The following DIP2C variants were observed in gnomAD, a reference collection of about 807,000 sequenced individuals.
DIP2C encodes the protein DIP2 acetate--CoA ligase C (putative).
Under a neutral mutation model 192.4 loss-of-function variants are expected in DIP2C, and 33 were observed. The observed-to-expected ratio is 0.17, with a 90% CI of 0.13 to 0.23. The LOEUF is 0.23. Among genes scored for constraint, DIP2C ranks in the 10% least tolerant of loss-of-function variants. The pLI is 1.00. For synonymous variants in DIP2C, 979 were observed against 864.1 expected (o/e 1.13, Z -2.33); for missense variants, 1,537 against 2,110.1 (o/e 0.73, Z 5.32).
At chr10:384,205 AAAAG>A in intron 15 of DIP2C, 59 bp from the exon 16 acceptor site, 3 of 1,589,816 alleles carry the variant, frequency 1.9e-6, no homozygotes, top group Non-Finnish European at 2.6e-6. Context: ...CCCCTATTGC[AAAAG>A]AGAGATCATT....
chr10:351,370 C>T (rs1958800705), intron 24 of DIP2C, among the ~76,000 whole-genome samples: 1 of 152,132 alleles, frequency 6.6e-6, no homozygotes, highest in Non-Finnish European at 1.5e-5. Flanking sequence ...ACAAGACAGC[C>T]GATGAGCGCA....
chr10:681,421 CT>C (rs1286010353), intron 1 of DIP2C, among the ~76,000 whole-genome samples: 1 of 151,662 alleles, frequency 6.6e-6, no homozygotes, highest in Non-Finnish European at 1.5e-5. Flanking sequence ...AATGCAGACC[CT>C]CAGTCACATG....
chr10:467,422 C>G (rs973808210), intron 3 of DIP2C, among the ~76,000 whole-genome samples: 2 of 149,792 alleles, frequency 1.3e-5, no homozygotes, highest in African/African-American at 4.9e-5. Context: ...GGGAGATATA[C>G]CTAATGCTAG....
At chr10:477,745 GAAAGA>G (rs1178701087) in intron 2 of DIP2C, among the ~76,000 whole-genome samples, 78 of 107,846 alleles carry the variant, frequency 7.2e-4, no homozygotes, top group African/African-American at 2.1e-3. Context: ...GAAAGAACGA[GAAAGA>G]AAAGGAGAGA....
At chr10:436,261 G>T (rs1375840628) in intron 4 of DIP2C, among the ~76,000 whole-genome samples, 1 of 152,168 alleles carries the variant, frequency 6.6e-6, no homozygotes, top group Non-Finnish European at 1.5e-5. Flanking sequence ...GCTTAATATT[G>T]CACATTGTGG....
intron 31 of DIP2C, among the ~76,000 whole-genome samples, chr10:321,417 C>T (rs1053842924): frequency 4.0e-5 from 6 of 150,106 alleles, no homozygotes; most frequent in African/African-American, 1.5e-4. Flanking sequence ...GAGGCTCCCT[C>T]TCTCTTTTGG....
chr10:383,712 C>A (rs1962593183), intron 16 of DIP2C, among the ~76,000 whole-genome samples: 1 of 152,086 alleles, frequency 6.6e-6, no homozygotes, highest in Non-Finnish European at 1.5e-5. Context: ...CGTTTTACAG[C>A]CGGGGAAACA....
chr10:684,211 C>T (rs1000163848), intron 1 of DIP2C, among the ~76,000 whole-genome samples: 2 of 152,276 alleles, frequency 1.3e-5, no homozygotes, highest in African/African-American at 4.8e-5. Flanking sequence ...CATATCAGTG[C>T]TGCCACTGTG....
chr10:482,800 C>G (rs930457517), intron 2 of DIP2C, among the ~76,000 whole-genome samples: 12 of 152,150 alleles, frequency 7.9e-5, no homozygotes, highest in Admixed American at 5.9e-4. Flanking sequence ...GAAGAGGCTG[C>G]CAGGCAGTGG....
At chr10:428,141 T>C (rs1199142735) in intron 4 of DIP2C, among the ~76,000 whole-genome samples, 1 of 152,174 alleles carries the variant, frequency 6.6e-6, no homozygotes, top group Non-Finnish European at 1.5e-5. Context: ...TAGAGAAGCG[T>C]GGACATTTTA....
Position 689,421 on chromosome 10 carries a change from C to G in DIP2C, c.85+73G>C. 1 of 920,770 alleles carries G rather than the reference C, an allele frequency of 1.1e-6. No individual in the cohort carries two copies. The highest frequency in any genetic ancestry group is 1.3e-6 in the Non-Finnish European group (1 of 765,682). The allele number at this position is 920,770 out of a possible 1,614,324, so 57.0% of individuals were successfully genotyped here. A position where few individuals can be genotyped will look rare whatever the true frequency, so the allele number is the denominator to read the frequency against. ...CCGGCCCCCGCCCCGCCGCAGGCCC[C>G]GCGCCCCCAGCCCTCCGCGCGCGGC... is the stretch of plus-strand genomic sequence containing the variant. On this transcript the variant is annotated intron_variant, in intron 1 of 36. Transcript: ENST00000280886. The surrounding 1 kb of genome is among the most constrained non-coding windows in gnomAD (Gnocchi z 6.1).
intron 10 of DIP2C, among the ~76,000 whole-genome samples, chr10:392,886 A>G (rs929354374): frequency 1.7e-3 from 11 of 6,292 alleles, no homozygotes; most frequent in Admixed American, 8.0e-3. Flanking sequence ...ACTCACACAC[A>G]CGTGCCCACA....
chr10:387,760 C>A lies in DIP2C; in HGVS notation c.1647G>T (p.Trp549Cys). 1.2e-6 allele frequency: 2 copies of A among 1,614,184 alleles called. No individual in the cohort carries two copies. The highest frequency in any genetic ancestry group is 1.7e-6 in the Non-Finnish European group (2 of 1,180,028). Reference protein sequence around the residue: ...VLDFKKDVGLWHGILTSVMNM... With the variant: ...VLDFKKDVGLCHGILTSVMNM... Reference sequence around the variant, plus strand: ...CCTCACTTACTGTCAGGATGCCATGCCAGAGCCCGACGTCCTTCTTGAAAT... The same window carrying A: ...CCTCACTTACTGTCAGGATGCCATGACAGAGCCCGACGTCCTTCTTGAAAT... The change falls in exon 14 of 37, where the codon TGG (tryptophan) becomes TGT (cysteine). Residue 549 changes from tryptophan (W) to cysteine (C), a missense_variant. Physicochemically the swap from Trp to Cys is radical, Grantham distance 215 (BLOSUM62 -2). This residue lies in a region of DIP2C where 677 missense variants were observed against 989.9 expected (regional missense o/e 0.68). Transcript: ENST00000280886.
chr10:310,145 G>A (rs1314538102), intron 31 of DIP2C, 53 bp from the exon 32 acceptor site: 2 of 1,500,238 alleles, frequency 1.3e-6, no homozygotes, highest in East Asian at 2.3e-5. Flanking sequence ...GGAGATTGGG[G>A]TCTGTGCTTC....
intron 17 of DIP2C, among the ~76,000 whole-genome samples, chr10:379,176 C>T (rs1420532099): frequency 5.8e-5 from 7 of 119,976 alleles, no homozygotes; most frequent in Non-Finnish European, 1.7e-5. Context: ...TGCTGGCTCC[C>T]GAGTGCCACG....
intron 1 of DIP2C, among the ~76,000 whole-genome samples, chr10:491,732 G>C (rs909949465): frequency 6.6e-6 from 1 of 152,232 alleles, no homozygotes; most frequent in Non-Finnish European, 1.5e-5. Flanking sequence ...AAAGCACTAA[G>C]GACACAAGAA....
intron 33 of DIP2C, 138 bp from the exon 34 acceptor site, chr10:286,485 CAT>C (rs1369441095): frequency 8.2e-6 from 6 of 734,650 alleles, no homozygotes; most frequent in Non-Finnish European, 1.2e-5. Flanking sequence ...CTATATGCCA[CAT>C]AGTTATGACC....
Position 347,820 on chromosome 10 carries a change from G to A in DIP2C, c.3231+821C>T, listed in dbSNP as rs574282022. ...AACCCCACACTCACCCAGACACATC[G>A]CGCATAGCTCTCCTGGAAACCCCAC... is the stretch of plus-strand genomic sequence containing the variant. On this transcript the variant is annotated intron_variant, in intron 26 of 36. Coordinates refer to ENST00000280886, the MANE Select transcript of DIP2C (RefSeq NM_014974.3). Among the ~76,000 whole-genome samples, 46 of 144,510 alleles carry A rather than the reference G, an allele frequency of 3.2e-4. 1 individual carries two copies. The highest frequency in any genetic ancestry group is 8.3e-4 in the East Asian group (4 of 4,814). The allele number at this position is 144,510 out of a possible 152,430, so 94.8% of individuals were successfully genotyped here. A position where few individuals can be genotyped will look rare whatever the true frequency, so the allele number is the denominator to read the frequency against.
intron 3 of DIP2C, among the ~76,000 whole-genome samples, chr10:464,154 TTAAAC>T (rs1408066460): frequency 6.6e-6 from 1 of 152,118 alleles, no homozygotes; most frequent in African/African-American, 2.4e-5. Flanking sequence ...TGGCATCTAA[TTAAAC>T]TAAAGTGCTT....
Sources: gnomAD v4.1 joint callset for allele counts (sites outside exome capture counted in the v4.1 genomes callset) on GRCh38, gnomAD v4.1.1 for gene constraint, gnomAD v4.1.1 regional missense constraint, Gnocchi (gnomAD v3.1) non-coding constraint, MANE v1.5 for transcripts, NCBI Gene and HGNC (gene_info 2026-07-23, HGNC 2026-07-21) for gene names.